Variants in NRG3 observed in about 807,000 individuals in gnomAD.
The protein encoded by NRG3 is pro-neuregulin-3, membrane-bound isoform.
NRG3 carries 31 observed loss-of-function variants against 66.9 expected under a neutral mutation model. The observed-to-expected ratio is 0.46, with a 90% CI of 0.35 to 0.63. NRG3 has a LOEUF of 0.63. Among genes scored for constraint, NRG3 ranks in the 20% least tolerant of loss-of-function variants. The probability of loss-of-function intolerance (pLI) is 0.00; values close to 1 mark genes in which losing one functional copy is unlikely to be tolerated. For missense variants in NRG3, 910 were observed against 878.9 expected, an observed-to-expected ratio of 1.04 and a Z score of -0.45; for synonymous variants, 393 against 359.4, an observed-to-expected ratio of 1.09 and a Z score of -1.06.
intron 2 of NRG3, among the ~76,000 whole-genome samples, chr10:82,581,826 T>C (rs963673900): frequency 1.2e-4 from 19 of 152,094 alleles, no homozygotes; most frequent in African/African-American, 4.6e-4. Context: ...TTCCTTGTTA[T>C]CTTATAGAAG....
rs530416594 is a variant in NRG3, at chr10:82,373,444, C to A, written c.953+14576C>A. On this transcript the variant is annotated intron_variant, in intron 2 of 8. Transcript: ENST00000372141. ...AGAGGCCAGTGTGCTTAGAGCCTGG[C>A]CTCCCTGGAGTCCTCTGACAGCAGG... 1.4e-4 allele frequency among the ~76,000 whole-genome samples: 21 copies of A among 152,282 alleles called. No individual in the cohort carries two copies. The South Asian group carries it at 3.3e-3, about 24-fold the overall frequency.
chr10:82,199,799 T>C (rs545627828), intron 1 of NRG3, among the ~76,000 whole-genome samples: 60 of 152,128 alleles, frequency 3.9e-4, no homozygotes, highest in African/African-American at 1.4e-3. Context: ...ATCAATCTAA[T>C]TTCCAGATTA....
intron 2 of NRG3, among the ~76,000 whole-genome samples, chr10:82,380,358 T>C (rs1003559670): frequency 6.6e-6 from 1 of 152,148 alleles, no homozygotes; most frequent in African/African-American, 2.4e-5. Flanking sequence ...GGTAATTAAG[T>C]TCCAGTTAAC....
intron 4 of NRG3, among the ~76,000 whole-genome samples, chr10:82,914,116 AG>A (rs1474642361): frequency 6.9e-6 from 1 of 145,722 alleles, no homozygotes; most frequent in Non-Finnish European, 1.5e-5. Context: ...CTTCCATTTC[AG>A]TTTTTTTTTT....
intron 2 of NRG3, among the ~76,000 whole-genome samples, chr10:82,693,539 G>T (rs147745954): frequency 6.6e-6 from 1 of 152,094 alleles, no homozygotes; most frequent in Non-Finnish European, 1.5e-5. Context: ...AAATCACTCC[G>T]TGCTTAGGTT....
chr10:82,149,512 G>A (rs996118680), intron 1 of NRG3, among the ~76,000 whole-genome samples: 2 of 151,940 alleles, frequency 1.3e-5, no homozygotes, highest in African/African-American at 4.8e-5. Flanking sequence ...ACTTGTAATC[G>A]GAGCTTTTCA....
Position 82,008,357 on chromosome 10 carries a change from A to G in NRG3, c.823+132194A>G, listed in dbSNP as rs889800524. ...GAGCATGTAGAATACTCCAGTGACA[A>G]GAGTAGATGTAAACAAAATAGCTCT... is the stretch of plus-strand genomic sequence containing the variant. On this transcript the variant is annotated intron_variant, in intron 1 of 8. Coordinates refer to ENST00000372141, the MANE Select transcript of NRG3 (RefSeq NM_001010848.4). Among the ~76,000 whole-genome samples, 14 of 152,370 alleles carry G rather than the reference A, an allele frequency of 9.2e-5. No individual in the cohort carries two copies. The East Asian group carries it at 2.7e-3, about 29-fold the overall frequency.
chr10:82,590,670 A>G (rs1281516845), intron 2 of NRG3, among the ~76,000 whole-genome samples: 1 of 152,216 alleles, frequency 6.6e-6, no homozygotes, highest in Non-Finnish European at 1.5e-5. Flanking sequence ...ACCTGTGCTC[A>G]GCTTGGGCTG....
At chr10:81,932,846 T>C (rs766227828) in intron 1 of NRG3, among the ~76,000 whole-genome samples, 11 of 152,072 alleles carry the variant, frequency 7.2e-5, no homozygotes, top group Non-Finnish European at 1.5e-4. Context: ...CGGTGGCTCA[T>C]GCCTGTAATC....
intron 1 of NRG3, among the ~76,000 whole-genome samples, chr10:82,093,630 T>C (rs530336092): frequency 2.0e-5 from 3 of 152,350 alleles, no homozygotes; most frequent in African/African-American, 7.2e-5. Flanking sequence ...ACCCACTTCT[T>C]GTATCAAATA....
intron 1 of NRG3, among the ~76,000 whole-genome samples, chr10:82,313,053 C>T (rs1468088995): frequency 6.6e-6 from 1 of 152,074 alleles, no homozygotes; most frequent in Non-Finnish European, 1.5e-5. Context: ...TGGTGCACAC[C>T]TGTAGTCCCA....
chr10:81,959,798 A>G (rs373808324), intron 1 of NRG3, among the ~76,000 whole-genome samples: 129 of 152,274 alleles, frequency 8.5e-4, no homozygotes, highest in African/African-American at 2.8e-3. Context: ...GTAAATGCAT[A>G]GTTTTACTTT....
At chr10:82,908,937 G>C (rs1417368801) in intron 4 of NRG3, among the ~76,000 whole-genome samples, 1 of 147,836 alleles carries the variant, frequency 6.8e-6, no homozygotes, top group African/African-American at 2.5e-5. Flanking sequence ...AGCTGTGGCA[G>C]TCAGGAGGGA....
At chr10:82,597,319 A>G (rs879482070) in intron 2 of NRG3, among the ~76,000 whole-genome samples, 1 of 152,200 alleles carries the variant, frequency 6.6e-6, no homozygotes, top group Non-Finnish European at 1.5e-5. Context: ...ATTTCCAAGG[A>G]TGTATTAGAA....
At chr10:82,195,938 C>T (rs911683242) in intron 1 of NRG3, among the ~76,000 whole-genome samples, 13 of 152,172 alleles carry the variant, frequency 8.5e-5, no homozygotes, top group African/African-American at 2.7e-4. Context: ...AGTCTCCAAA[C>T]GGAGCACAGC....
intron 1 of NRG3, among the ~76,000 whole-genome samples, chr10:82,349,576 G>A (rs2083275976): frequency 1.3e-5 from 2 of 152,022 alleles, no homozygotes; most frequent in South Asian, 4.1e-4. Flanking sequence ...GCCTCCTTGA[G>A]CTGTGGTGGG....
intron 2 of NRG3, among the ~76,000 whole-genome samples, chr10:82,583,899 G>A (rs1363315256): frequency 6.6e-6 from 1 of 152,072 alleles, no homozygotes; most frequent in Non-Finnish European, 1.5e-5. Context: ...GGGCCTTGCA[G>A]CCAAATGAAC....
At chr10:82,212,960 T>C (rs2133659082) in intron 1 of NRG3, among the ~76,000 whole-genome samples, 1 of 152,300 alleles carries the variant, frequency 6.6e-6, no homozygotes, top group African/African-American at 2.4e-5. Flanking sequence ...TGAGATGCAA[T>C]TAGCACAGAC....
intron 1 of NRG3, among the ~76,000 whole-genome samples, chr10:82,273,869 A>G (rs762169066): frequency 1.3e-3 from 205 of 152,118 alleles, no homozygotes; most frequent in Non-Finnish European, 2.1e-3. Flanking sequence ...CCCCAGCCCC[A>G]GAAAGAACAA....
Sources: gnomAD v4.1 joint callset for allele counts (sites outside exome capture counted in the v4.1 genomes callset) on GRCh38, gnomAD v4.1.1 for gene constraint, MANE v1.5 for transcripts, NCBI Gene and HGNC (gene_info 2026-07-23, HGNC 2026-07-21) for gene names.